The following KCNAB1 variants were observed in gnomAD, a reference collection of about 807,000 sequenced individuals.
The protein encoded by KCNAB1 is voltage-gated potassium channel subunit beta-1.
A neutral mutation model predicts 64.6 loss-of-function variants in KCNAB1; 35 were observed. That is an observed-to-expected ratio of 0.54 (90% CI 0.41 to 0.72). KCNAB1 has a LOEUF of 0.72. Ranked by LOEUF, KCNAB1 falls within the 30% of genes least tolerant of loss-of-function variation. KCNAB1 has a pLI of 0.00. For missense variants in KCNAB1, 401 were observed against 512.9 expected (o/e 0.78, Z 2.11); for synonymous variants, 177 against 183.8 (o/e 0.96, Z 0.30).
At chr3:156,226,602 TAATC>T (rs1301471031) in intron 1 of KCNAB1, among the ~76,000 whole-genome samples, 6 of 151,962 alleles carry the variant, frequency 3.9e-5, no homozygotes, top group African/African-American at 1.5e-4. Context: ...GCAAAAGAAA[TAATC>T]AGCAGGGTTA....
chr3:156,380,300 C>A (rs16826037), intron 1 of KCNAB1, among the ~76,000 whole-genome samples: 16,842 of 152,166 alleles, frequency 0.11, 3,078 homozygotes, highest in African/African-American at 0.38. Flanking sequence ...ACCATGTTCT[C>A]CTCCAGTGTA....
chr3:156,477,528 C>T (rs1401057820), intron 8 of KCNAB1, among the ~76,000 whole-genome samples: 1 of 152,150 alleles, frequency 6.6e-6, no homozygotes, highest in African/African-American at 2.4e-5. Flanking sequence ...GAGGCTTATT[C>T]TTCTGGGAGG....
At position 156,474,757 on chromosome 3, in the gene KCNAB1, C is replaced by T; in HGVS notation, c.595C>T (p.Leu199=). 6.2e-7 allele frequency: 1 copy of T among 1,613,314 alleles called. No homozygotes were observed. The highest frequency in any genetic ancestry group is 8.5e-7 in the Non-Finnish European group (1 of 1,179,466). Residue 199 remains leucine, a synonymous_variant, in exon 8 of 14, where the codon CTG becomes TTG. Transcript: ENST00000490337. ...IEGLKGSLQR[L]QLEYVDVVFA... Reference sequence around the variant, plus strand: ...AGGATTGAAGGGCTCCCTCCAGAGGCTGCAGCTCGAGTATGTGGATGTGGT... The same window carrying T: ...AGGATTGAAGGGCTCCCTCCAGAGGTTGCAGCTCGAGTATGTGGATGTGGT...
intron 1 of KCNAB1, among the ~76,000 whole-genome samples, chr3:156,365,813 G>A (rs534331672): frequency 6.6e-6 from 1 of 152,270 alleles, no homozygotes; most frequent in South Asian, 2.1e-4. Context: ...AACTCCAGGA[G>A]TTTACAGCCT....
chr3:156,534,727 C>T (rs889236958), intron 13 of KCNAB1, among the ~76,000 whole-genome samples: 2 of 152,170 alleles, frequency 1.3e-5, no homozygotes, highest in African/African-American at 4.8e-5. Context: ...CCAGCCCCAG[C>T]AACATTAGCC....
chr3:156,190,849 C>T (rs1713521219), intron 1 of KCNAB1, among the ~76,000 whole-genome samples: 1 of 152,076 alleles, frequency 6.6e-6, no homozygotes, highest in Non-Finnish European at 1.5e-5. Context: ...GCTACCACCG[C>T]GCCTGGCTAA....
intron 1 of KCNAB1, among the ~76,000 whole-genome samples, chr3:156,356,943 C>T (rs1205981307): frequency 1.3e-5 from 2 of 152,218 alleles, no homozygotes; most frequent in Admixed American, 1.3e-4. Context: ...TCCAGAGTTA[C>T]AGCAATAGGG....
At chr3:156,358,106 G>T (rs1725379383) in intron 1 of KCNAB1, among the ~76,000 whole-genome samples, 2 of 152,206 alleles carry the variant, frequency 1.3e-5, no homozygotes, top group Non-Finnish European at 2.9e-5. Context: ...ACAGCCACCT[G>T]TGGCTAGTAG....
intron 8 of KCNAB1, among the ~76,000 whole-genome samples, chr3:156,500,605 A>G (rs1292057803): frequency 1.3e-5 from 2 of 152,208 alleles, no homozygotes; most frequent in Non-Finnish European, 2.9e-5. Flanking sequence ...ACAACAACTT[A>G]TATCTTTCCA....
At chr3:156,159,247 A>C (rs1019387811) in intron 1 of KCNAB1, among the ~76,000 whole-genome samples, 2 of 152,134 alleles carry the variant, frequency 1.3e-5, no homozygotes, top group African/African-American at 4.8e-5. Flanking sequence ...TCTTATTCTT[A>C]GCTCTCTTCT....
intron 1 of KCNAB1, among the ~76,000 whole-genome samples, chr3:156,266,673 C>G (rs1347485410): frequency 6.6e-6 from 1 of 152,148 alleles, no homozygotes; most frequent in Non-Finnish European, 1.5e-5. Context: ...TATTGCTGTC[C>G]TTAGTGGATC....
At chr3:156,128,320 A>T (rs1298626548) in intron 1 of KCNAB1, among the ~76,000 whole-genome samples, 1 of 152,206 alleles carries the variant, frequency 6.6e-6, no homozygotes, top group Non-Finnish European at 1.5e-5. Flanking sequence ...TTGTTTATAG[A>T]GACAGTGCAA....
intron 1 of KCNAB1, among the ~76,000 whole-genome samples, chr3:156,272,373 T>A (rs1189522542): frequency 6.6e-6 from 1 of 152,054 alleles, no homozygotes; most frequent in African/African-American, 2.4e-5. Context: ...ACCTTAGAAA[T>A]CTAGGTGGCA....
intron 1 of KCNAB1, among the ~76,000 whole-genome samples, chr3:156,374,869 C>T (rs1711540292): frequency 7.4e-6 from 1 of 135,780 alleles, no homozygotes; most frequent in South Asian, 2.2e-4. Flanking sequence ...AGATTAAGTG[C>T]CTAGCACGAT....
intron 12 of KCNAB1, among the ~76,000 whole-genome samples, chr3:156,526,577 G>A (rs1408645346): frequency 2.6e-5 from 4 of 152,130 alleles, no homozygotes; most frequent in East Asian, 1.9e-4. Flanking sequence ...CAATAGCCAC[G>A]TGCTGCCAAA....
chr3:156,246,083 T>A (rs1405586500), intron 1 of KCNAB1, among the ~76,000 whole-genome samples: 1 of 152,184 alleles, frequency 6.6e-6, no homozygotes, highest in Non-Finnish European at 1.5e-5. Context: ...ATCAACAGCA[T>A]GCGTAAATAG....
chr3:156,426,314 T>C (rs951204948), intron 2 of KCNAB1, among the ~76,000 whole-genome samples: 1 of 152,172 alleles, frequency 6.6e-6, no homozygotes, highest in Non-Finnish European at 1.5e-5. Context: ...TTTAAAAAAA[T>C]AGACTATGTT....
chr3:156,383,884 G>C (rs777150697), intron 1 of KCNAB1, among the ~76,000 whole-genome samples: 1 of 152,110 alleles, frequency 6.6e-6, no homozygotes. Context: ...GCCACTTGAC[G>C]GCATCCAGGT....
chr3:156,178,036 C>G (rs951559411), intron 1 of KCNAB1, among the ~76,000 whole-genome samples: 1 of 152,128 alleles, frequency 6.6e-6, no homozygotes, highest in Non-Finnish European at 1.5e-5. Flanking sequence ...GCACCCCGCC[C>G]ATATCCAAAT....
Sources: allele counts gnomAD v4.1 joint callset (sites outside exome capture counted in the v4.1 genomes callset), GRCh38; gene constraint gnomAD v4.1.1; transcripts MANE v1.5; gene names NCBI Gene and HGNC (gene_info 2026-07-23, HGNC 2026-07-21).